Variants in ETS1 observed in about 807,000 individuals in gnomAD.
ETS1 encodes the protein protein C-ets-1.
In ETS1, 15 loss-of-function variants were observed where a neutral mutation model predicts 58.6. The observed-to-expected ratio is 0.26, with a 90% CI of 0.17 to 0.39. The LOEUF (loss-of-function observed/expected upper bound fraction) is 0.39, where lower values mean the gene tolerates loss of function less well. Among genes scored for constraint, ETS1 ranks in the 10% least tolerant of loss-of-function variants. ETS1 has a pLI of 1.00. For missense variants in ETS1, 417 were observed against 610.5 expected, an observed-to-expected ratio of 0.68 and a Z score of 3.34; for synonymous variants, 214 against 218.2, an observed-to-expected ratio of 0.98 and a Z score of 0.17.
At chr11:128,509,572 T>G (rs1863336391) in intron 3 of ETS1, among the ~76,000 whole-genome samples, 1 of 150,570 alleles carries the variant, frequency 6.6e-6, no homozygotes, top group African/African-American at 2.4e-5. Context: ...TTTTTTTTTT[T>G]TTTTACTTTC....
At position 128,556,476 on chromosome 11, in the gene ETS1, A is replaced by G. The variant is rs199668781; in HGVS notation, c.70-41T>C. The G allele has an allele frequency of 2.1e-4, 302 of 1,418,516 alleles. 1 individual carries two copies. Among genetic ancestry groups the G allele is most frequent in the Middle Eastern group, 5.4e-4 (3 of 5,508 alleles). 87.9% of individuals were successfully genotyped at this position (1,418,516 alleles called of 1,614,324 possible). On this transcript the variant is annotated intron_variant, in intron 2 of 9. Coordinates refer to ENST00000392668, the MANE Select transcript of ETS1 (RefSeq NM_001143820.2). ...TAGAAGAAAATATATTAGGAGGAAA[A>G]TCTCTGTTGTTTAGCCCTAAAGAAC...
rs183351998 is a variant in ETS1, at chr11:128,479,642, C to T, written c.1123+549G>A. Among the ~76,000 whole-genome samples the T allele has an allele frequency of 3.9e-5, 6 of 152,170 alleles. No individual in the cohort carries two copies. The East Asian group carries it at 7.8e-4, about 20-fold the overall frequency. On this transcript the variant is annotated intron_variant, in intron 8 of 9. Transcript: ENST00000392668. ...CCTGGAAGAAAACTGATAATAAAGC[C>T]GAGTAAGAGAAGGGGCATTCTCTAT...
At chr11:128,586,239 T>A (rs910427223) in intron 1 of ETS1, among the ~76,000 whole-genome samples, 1 of 152,230 alleles carries the variant, frequency 6.6e-6, no homozygotes, top group African/African-American at 2.4e-5. Context: ...TCTTCAAATA[T>A]TAATATTAAT....
chr11:128,573,773 G>C (rs538795060), intron 1 of ETS1, among the ~76,000 whole-genome samples: 1 of 152,310 alleles, frequency 6.6e-6, no homozygotes, highest in South Asian at 2.1e-4. Flanking sequence ...GCAATTTTCT[G>C]GCTGAAGGGA....
chr11:128,561,691 A>G (rs954161199), intron 2 of ETS1, among the ~76,000 whole-genome samples: 1 of 152,238 alleles, frequency 6.6e-6, no homozygotes, highest in African/African-American at 2.4e-5. Flanking sequence ...CCAAGATGCC[A>G]CTTAGATTGC....
intron 7 of ETS1, among the ~76,000 whole-genome samples, chr11:128,484,427 G>T (rs1862569416): frequency 6.6e-6 from 1 of 152,168 alleles, no homozygotes; most frequent in African/African-American, 2.4e-5. Context: ...GGAGCACCAG[G>T]ACACATGCTA....
intron 3 of ETS1, among the ~76,000 whole-genome samples, chr11:128,498,077 G>A (rs189756359): frequency 6.6e-6 from 1 of 152,294 alleles, no homozygotes. Flanking sequence ...ACATAAACCA[G>A]GTCTCAAAGC....
intron 3 of ETS1, among the ~76,000 whole-genome samples, chr11:128,531,637 A>G (rs968080420): frequency 1.3e-5 from 2 of 152,200 alleles, no homozygotes; most frequent in Non-Finnish European, 2.9e-5. Flanking sequence ...TAGATGTGAG[A>G]TACAATTATG....
chr11:128,534,973 T>G (rs1374787368), intron 3 of ETS1, among the ~76,000 whole-genome samples: 1 of 152,246 alleles, frequency 6.6e-6, no homozygotes, highest in Non-Finnish European at 1.5e-5. Flanking sequence ...AAATGGTATT[T>G]CTGGTTCTTG....
Position 128,460,078 on chromosome 11 carries a change from A to G in ETS1, c.*2283T>C, listed in dbSNP as rs1861864902. ...CAGTTTTGCATGTCTGCAAACACAC[A>G]CACACACACACACACACACACACAC... On this transcript the variant is annotated 3_prime_UTR_variant, in exon 10 of 10. Transcript: ENST00000392668. 1 of 34,622 alleles carries G rather than the reference A, an allele frequency of 2.9e-5. No homozygotes were observed. Among genetic ancestry groups the G allele is most frequent in the African/African-American group, 5.8e-5 (1 of 17,212 alleles). 2.1% of individuals were successfully genotyped at this position (34,622 alleles called of 1,614,324 possible).
At chr11:128,490,127 G>A (rs758671460) in intron 4 of ETS1, among the ~76,000 whole-genome samples, 5 of 152,126 alleles carry the variant, frequency 3.3e-5, no homozygotes, top group Non-Finnish European at 5.9e-5. Flanking sequence ...GGTTTAACCT[G>A]GCTACACCCA....
At chr11:128,536,669 G>A (rs897728463) in intron 3 of ETS1, 6 of 152,210 alleles carry the variant, frequency 3.9e-5, no homozygotes, top group African/African-American at 1.4e-4. Context: ...CTCATTAGGA[G>A]GAGAAAGAGC....
intron 8 of ETS1, among the ~76,000 whole-genome samples, chr11:128,474,731 G>T (rs1392150133): frequency 1.3e-5 from 2 of 152,212 alleles, no homozygotes; most frequent in African/African-American, 2.4e-5. Flanking sequence ...CATCTCAGCT[G>T]CTGGCTGACA....
chr11:128,585,028 A>G (rs1166047184), intron 1 of ETS1, among the ~76,000 whole-genome samples: 485 of 13,908 alleles, frequency 0.035, 87 homozygotes, highest in East Asian at 0.045. Context: ...AAGAAGAAAG[A>G]AAGAAAAGAA....
intron 7 of ETS1, among the ~76,000 whole-genome samples, chr11:128,482,139 C>T (rs74325482): frequency 0.012 from 1,847 of 152,234 alleles, 32 homozygotes; most frequent in African/African-American, 0.039. Context: ...TTCCCATTTA[C>T]CCACCAGAAA....
chr11:128,585,138 A>AG lies in ETS1; in HGVS notation c.-15+2349_-15+2350insC, dbSNP rs1464846864. ...AAGGAAAGAAAGAAGAAAGAAAGAAAAGAAAGAAAGAAAGAAAGAAAGAAA... is the reference window on the plus strand; with the variant it reads ...AAGGAAAGAAAGAAGAAAGAAAGAAAGAGAAAGAAAGAAAGAAAGAAAGAAA... On this transcript the variant is annotated intron_variant, in intron 1 of 9. Coordinates refer to ENST00000392668, the MANE Select transcript of ETS1 (RefSeq NM_001143820.2). Among the ~76,000 whole-genome samples the AG allele has an allele frequency of 3.0e-3, 20 of 6,646 alleles. 2 individuals are homozygous for AG. Among genetic ancestry groups the AG allele is most frequent in the East Asian group, 0.026 (1 of 38 alleles). 4.4% of individuals were successfully genotyped at this position (6,646 alleles called of 152,430 possible).
chr11:128,463,545 TC>T lies in ETS1; in HGVS notation c.1205del (p.Gly402GlufsTer27). 6.2e-7 allele frequency: 1 copy of T among 1,611,914 alleles called. No homozygotes were observed. Among genetic ancestry groups the T allele is most frequent in the Non-Finnish European group, 8.5e-7 (1 of 1,178,002 alleles). ...CAGAAAGTTTGAATTCCCAGCCATC[TC>T]CTGTCCAGCTGATAAAAGACTGACA... ...KSCQSFISWT[G>X]DGWEFKLSDP... is the part of the protein sequence containing the mutation. On this transcript the variant is annotated frameshift_variant, in exon 9 of 10. Coordinates refer to ENST00000392668, the MANE Select transcript of ETS1 (RefSeq NM_001143820.2). LOFTEE classifies it high-confidence loss of function. This position sits in a 1 kb window ranked among gnomAD's most constrained non-coding sequence, Gnocchi z 4.1.
At chr11:128,470,239 T>A (rs1300441125) in intron 8 of ETS1, among the ~76,000 whole-genome samples, 1 of 151,568 alleles carries the variant, frequency 6.6e-6, no homozygotes, top group Non-Finnish European at 1.5e-5. Context: ...GGAGGAGGAG[T>A]GTCAAAAAAT....
intron 8 of ETS1, among the ~76,000 whole-genome samples, chr11:128,466,883 A>G (rs1862052265): frequency 6.6e-6 from 1 of 152,138 alleles, no homozygotes. Context: ...TTGGCTTCAT[A>G]ATAGGACAGT....
Sources: gnomAD v4.1 joint callset for allele counts (sites outside exome capture counted in the v4.1 genomes callset) on GRCh38, gnomAD v4.1.1 for gene constraint, Gnocchi (gnomAD v3.1) non-coding constraint, MANE v1.5 for transcripts, NCBI Gene and HGNC (gene_info 2026-07-23, HGNC 2026-07-21) for gene names.